Variants in EFNA5 observed in about 807,000 individuals in gnomAD.
EFNA5 encodes ephrin A5.
Under a neutral mutation model 22.9 loss-of-function variants are expected in EFNA5, and 5 were observed. The observed-to-expected ratio is 0.22, with a 90% CI of 0.11 to 0.46. The LOEUF is 0.46. Among genes scored for constraint, EFNA5 ranks in the 20% least tolerant of loss-of-function variants. The probability of loss-of-function intolerance (pLI) is 0.99; values close to 1 mark genes in which losing one functional copy is unlikely to be tolerated. For missense variants in EFNA5, 237 were observed against 293.3 expected (o/e 0.81, Z 1.40); for synonymous variants, 113 against 112.2 (o/e 1.01, Z -0.04).
At chr5:107,454,087 C>T (rs1580461806) in intron 1 of EFNA5, among the ~76,000 whole-genome samples, 1 of 152,132 alleles carries the variant, frequency 6.6e-6, no homozygotes, top group Non-Finnish European at 1.5e-5. Flanking sequence ...AGCTAACTAG[C>T]ATGAACGTTT....
intron 1 of EFNA5, among the ~76,000 whole-genome samples, chr5:107,634,944 C>T (rs1475577708): frequency 3.3e-5 from 5 of 152,088 alleles, no homozygotes; most frequent in South Asian, 2.1e-4. Context: ...TCAAAAGAAA[C>T]GCATTTAACT....
At chr5:107,496,164 T>TA (rs35565454) in intron 1 of EFNA5, among the ~76,000 whole-genome samples, 11,520 of 93,096 alleles carry the variant, frequency 0.12, 704 homozygotes, top group Middle Eastern at 0.21. Flanking sequence ...CTGTCTCTGC[T>TA]AAAAAAAAAA....
At chr5:107,555,949 A>G (rs1748400884) in intron 1 of EFNA5, among the ~76,000 whole-genome samples, 1 of 152,280 alleles carries the variant, frequency 6.6e-6, no homozygotes, top group South Asian at 2.1e-4. Context: ...TCCTCCTATA[A>G]AGATCAGGCA....
chr5:107,636,010 A>T (rs1171718264), intron 1 of EFNA5, among the ~76,000 whole-genome samples: 2 of 152,198 alleles, frequency 1.3e-5, no homozygotes, highest in Non-Finnish European at 2.9e-5. Context: ...TGACTTTAAA[A>T]TATTTTTGTT....
chr5:107,426,351 T>C (rs928297762), intron 2 of EFNA5, among the ~76,000 whole-genome samples: 9 of 152,208 alleles, frequency 5.9e-5, no homozygotes, highest in Non-Finnish European at 1.3e-4. Flanking sequence ...CTACTCAAAG[T>C]GTGGTCCACA....
At chr5:107,537,833 A>T (rs189285601) in intron 1 of EFNA5, among the ~76,000 whole-genome samples, 498 of 152,332 alleles carry the variant, frequency 3.3e-3, no homozygotes, top group African/African-American at 0.011. Flanking sequence ...ATTCAAAAGA[A>T]TTAAACTATG....
chr5:107,666,825 T>A (rs917891465), intron 1 of EFNA5, among the ~76,000 whole-genome samples: 1 of 152,124 alleles, frequency 6.6e-6, no homozygotes, highest in Non-Finnish European at 1.5e-5. Flanking sequence ...TAAAAGTATA[T>A]TCTTATTAGA....
chr5:107,523,288 T>C (rs1258344718), intron 1 of EFNA5, among the ~76,000 whole-genome samples: 2 of 152,142 alleles, frequency 1.3e-5, no homozygotes, highest in Non-Finnish European at 2.9e-5. Context: ...ATCAGAAATA[T>C]GTGCTTCCTT....
chr5:107,534,297 A>G (rs893463066), intron 1 of EFNA5, among the ~76,000 whole-genome samples: 1 of 152,198 alleles, frequency 6.6e-6, no homozygotes, highest in South Asian at 2.1e-4. Context: ...TGTAAGGAAC[A>G]TTACTTGAGG....
intron 1 of EFNA5, 144 bp downstream of exon 1, chr5:107,670,345 C>T: frequency 1.8e-6 from 2 of 1,084,848 alleles, no homozygotes; most frequent in Non-Finnish European, 2.4e-6. Flanking sequence ...TTCCCGCCGA[C>T]GCCTCAAGCC....
chr5:107,654,118 A>C (rs889680917), intron 1 of EFNA5, among the ~76,000 whole-genome samples: 1 of 152,100 alleles, frequency 6.6e-6, no homozygotes, highest in Non-Finnish European at 1.5e-5. Context: ...GAAGGGAGTG[A>C]CTAGGAAAAA....
chr5:107,512,833 C>G (rs1411758199), intron 1 of EFNA5, among the ~76,000 whole-genome samples: 1 of 152,070 alleles, frequency 6.6e-6, no homozygotes, highest in Non-Finnish European at 1.5e-5. Context: ...ACCAAGAAAA[C>G]GTAATAAAAA....
intron 1 of EFNA5, among the ~76,000 whole-genome samples, chr5:107,640,387 G>T (rs2112543541): frequency 6.6e-6 from 1 of 152,290 alleles, no homozygotes; most frequent in Middle Eastern, 3.4e-3. Context: ...TATGAGAAAA[G>T]CTCAAATCCC....
At chr5:107,535,614 G>A (rs937088969) in intron 1 of EFNA5, among the ~76,000 whole-genome samples, 2 of 151,922 alleles carry the variant, frequency 1.3e-5, no homozygotes, top group Non-Finnish European at 2.9e-5. Flanking sequence ...AATTTAAAAT[G>A]GAATATAGAG....
intron 1 of EFNA5, among the ~76,000 whole-genome samples, chr5:107,536,962 G>A (rs1321054166): frequency 4.0e-5 from 6 of 151,648 alleles, no homozygotes; most frequent in Non-Finnish European, 8.8e-5. Context: ...AAAATTAGCT[G>A]GGTGTGGTGG....
At chr5:107,463,931 T>C (rs1173019505) in intron 1 of EFNA5, among the ~76,000 whole-genome samples, 3 of 152,158 alleles carry the variant, frequency 2.0e-5, no homozygotes, top group African/African-American at 7.2e-5. Context: ...ATGTTTTGTG[T>C]GGCATCAAGT....
At chr5:107,540,192 G>T (rs1365526614) in intron 1 of EFNA5, among the ~76,000 whole-genome samples, 2 of 152,040 alleles carry the variant, frequency 1.3e-5, no homozygotes, top group Admixed American at 6.5e-5. Context: ...AACACAAAGG[G>T]CATAACATTC....
At chr5:107,601,813 A>C (rs1749601799) in intron 1 of EFNA5, among the ~76,000 whole-genome samples, 2 of 152,210 alleles carry the variant, frequency 1.3e-5, no homozygotes, top group Non-Finnish European at 2.9e-5. Flanking sequence ...TAATTTGTGG[A>C]GGTAAGCTGG....
rs1749764162 is a variant in EFNA5 at position 107,608,419 on chromosome 5, A to C, written c.125+62070T>G. On this transcript the variant is annotated intron_variant, in intron 1 of 4. Transcript: ENST00000333274. ...TAAAATGTTAAGCCTCATTCATCGT[A>C]AAAATTCACTGCTCAAACTCTAGTT... is the stretch of plus-strand genomic sequence containing the variant. 2.0e-5 allele frequency among the ~76,000 whole-genome samples: 3 copies of C among 152,228 alleles called. No homozygotes were observed. The South Asian group carries it at 6.2e-4, about 31-fold the overall frequency.
Sources: allele counts gnomAD v4.1 joint callset (sites outside exome capture counted in the v4.1 genomes callset), GRCh38; gene constraint gnomAD v4.1.1; transcripts MANE v1.5; gene names NCBI Gene and HGNC (gene_info 2026-07-23, HGNC 2026-07-21).